Variants in MAFG observed in about 807,000 individuals in gnomAD.
The protein encoded by MAFG is transcription factor MafG.
In MAFG, 3 loss-of-function variants were observed where a neutral mutation model predicts 12.2. The observed-to-expected ratio is 0.25, with a 90% CI of 0.11 to 0.64. The LOEUF (loss-of-function observed/expected upper bound fraction) is 0.64, where lower values mean the gene tolerates loss of function less well. Ranked by LOEUF, MAFG falls within the 30% of genes least tolerant of loss-of-function variation. MAFG has a pLI of 0.85. For synonymous variants in MAFG, 126 were observed against 109.1 expected, an observed-to-expected ratio of 1.15 and a Z score of -0.96; for missense variants, 153 against 235.5, an observed-to-expected ratio of 0.65 and a Z score of 2.29.
At position 81,926,708 on chromosome 17, in the gene MAFG, G is replaced by C. The variant is rs994086391; in HGVS notation, c.-30+820C>G. Among the ~76,000 whole-genome samples, 3 of 152,124 alleles carry C rather than the reference G, an allele frequency of 2.0e-5. No individual in the cohort carries two copies. The highest frequency in any genetic ancestry group is 7.2e-5 in the African/African-American group (3 of 41,424). ...TGCCGGAAAAGAGCCGCCTGGGAAG[G>C]GGTGGACCGCCCGGGGCTTCACCTT... On this transcript the variant is annotated intron_variant, in intron 1 of 2. Coordinates refer to ENST00000357736, the MANE Select transcript of MAFG (RefSeq NM_002359.4). This position sits in a 1 kb window ranked among gnomAD's most constrained non-coding sequence, Gnocchi z 4.6.
chr17:81,919,540 G>A lies in MAFG; in HGVS notation c.*3065C>T. On this transcript the variant is annotated 3_prime_UTR_variant, in exon 3 of 3. Coordinates refer to ENST00000357736, the MANE Select transcript of MAFG (RefSeq NM_002359.4). ...TCCATGTTAGGATAAAAGAGGAGTT[G>A]GGGCAAAGTTAAGGTGGAAGGGAAG... The A allele has an allele frequency of 6.6e-6, 1 of 152,418 alleles. No homozygotes were observed. The allele number at this position is 152,418 out of a possible 1,614,324, so 9.4% of individuals were successfully genotyped here.
intron 1 of MAFG, among the ~76,000 whole-genome samples, chr17:81,923,860 G>A (rs2040919839): frequency 6.6e-6 from 1 of 152,220 alleles, no homozygotes; most frequent in Admixed American, 6.5e-5. Context: ...CCAGAGAGGA[G>A]GCTACAGGGA....
At chr17:81,927,094 C>CA (rs2040947014) in intron 1 of MAFG, among the ~76,000 whole-genome samples, 1 of 151,488 alleles carries the variant, frequency 6.6e-6, no homozygotes, top group Non-Finnish European at 1.5e-5. Context: ...CGGACCCCCG[C>CA]GCCGGGGAGA....
rs965270990 is a variant in MAFG, at chr17:81,919,318, C to T, written c.*3287G>A. On this transcript the variant is annotated 3_prime_UTR_variant, in exon 3 of 3. Coordinates refer to ENST00000357736, the MANE Select transcript of MAFG (RefSeq NM_002359.4). The stretch of plus-strand genomic sequence containing the variant: ...CAGGGACAACATGGGACCTGACCAT[C>T]GTCCCAAAGCAGGCTGCAGCCGCTC... The T allele has an allele frequency of 6.6e-6, 1 of 152,262 alleles. No individual in the cohort carries two copies. Among genetic ancestry groups the T allele is most frequent in the African/African-American group, 2.4e-5 (1 of 41,468 alleles). 9.4% of individuals were successfully genotyped at this position (152,262 alleles called of 1,614,324 possible). A position where few individuals can be genotyped will look rare whatever the true frequency, so the allele number is the denominator to read the frequency against.
rs952132942 is a variant in MAFG, at chr17:81,920,276, C to T, written c.*2329G>A. On this transcript the variant is annotated 3_prime_UTR_variant, in exon 3 of 3. Coordinates refer to ENST00000357736, the MANE Select transcript of MAFG (RefSeq NM_002359.4). ...GGTAGACACAGGACTTGTCTCTGAA[C>T]ACCTCGAGCAAAGAAAAGCTCATTA... 1 of 152,230 alleles carries T rather than the reference C, an allele frequency of 6.6e-6. No individual in the cohort carries two copies. Among genetic ancestry groups the T allele is most frequent in the Admixed American group, 6.5e-5 (1 of 15,288 alleles). 9.4% of individuals were successfully genotyped at this position (152,230 alleles called of 1,614,324 possible).
At chr17:81,930,628 C>T (rs1226446672), upstream of MAFG, 1 of 152,174 alleles carries the variant, frequency 6.6e-6, no homozygotes, top group African/African-American at 2.4e-5. The surrounding 1 kb of genome is among the most constrained non-coding windows in gnomAD (Gnocchi z 4.1). Flanking sequence ...CATACCACTG[C>T]ACTCCAGCCT....
rs1031048666 is a variant in MAFG, at chr17:81,921,752, T to C, written c.*853A>G. The C allele has an allele frequency of 6.6e-6, 1 of 151,980 alleles. No individual in the cohort carries two copies. The highest frequency in any genetic ancestry group is 2.4e-5 in the African/African-American group (1 of 41,356). 9.4% of individuals were successfully genotyped at this position (151,980 alleles called of 1,614,324 possible). A position where few individuals can be genotyped will look rare whatever the true frequency, so the allele number is the denominator to read the frequency against. ...TATACTTTCTTCCCTTTTCCATTCA[T>C]ATGGTCAAATGGTCTTCTTGCTTGT... On this transcript the variant is annotated 3_prime_UTR_variant, in exon 3 of 3. Transcript: ENST00000357736.
In MAFG at chr17:81,923,260, G is replaced by GCA. The variant is rs1290436957; in HGVS notation, c.-29-48_-29-47dup. ...CAGTACCCTGGAGACCACCCTCGCCGCACCCCCCCCCCCCCGCCCCCGGCC... is the reference window on the plus strand; with the variant it reads ...CAGTACCCTGGAGACCACCCTCGCCGCACACCCCCCCCCCCCCGCCCCCGGCC... On this transcript the variant is annotated intron_variant, in intron 1 of 2. Transcript: ENST00000357736. The GCA allele has an allele frequency of 4.4e-4, 191 of 431,520 alleles. 1 individual carries two copies. Among genetic ancestry groups the GCA allele is most frequent in the African/African-American group, 2.4e-3 (42 of 17,354 alleles). 26.7% of individuals were successfully genotyped at this position (431,520 alleles called of 1,614,324 possible). A position where few individuals can be genotyped will look rare whatever the true frequency, so the allele number is the denominator to read the frequency against.
At chr17:81,927,307 G>A (rs865789933) in intron 1 of MAFG, among the ~76,000 whole-genome samples, 1 of 150,868 alleles carries the variant, frequency 6.6e-6, no homozygotes, top group African/African-American at 2.4e-5. Flanking sequence ...TCCAGTACCC[G>A]GGCGCCAGGG....
chr17:81,924,520 T>C lies in MAFG; in HGVS notation c.-29-1306A>G, dbSNP rs1212407244. The C allele has an allele frequency of 1.3e-5, 2 of 152,308 alleles. No individual in the cohort carries two copies. Among genetic ancestry groups the C allele is most frequent in the African/African-American group, 2.4e-5 (1 of 41,424 alleles). 9.4% of individuals were successfully genotyped at this position (152,308 alleles called of 1,614,324 possible). On this transcript the variant is annotated intron_variant, in intron 1 of 2. Coordinates refer to ENST00000357736, the MANE Select transcript of MAFG (RefSeq NM_002359.4). The surrounding 1 kb of genome is among the most constrained non-coding windows in gnomAD (Gnocchi z 4.7). ...TACTCTCATCAGGGGAGCTGAAGTG[T>C]GGCCAGGCGGATGCACACATCCTCA...
Position 81,923,265 on chromosome 17 carries a change from C to T in MAFG, c.-29-51G>A, listed in dbSNP as rs1393206192. 1.1e-4 allele frequency: 98 copies of T among 884,290 alleles called. 1 individual carries two copies. Among genetic ancestry groups the T allele is most frequent in the African/African-American group, 2.1e-4 (8 of 38,078 alleles). The allele number at this position is 884,290 out of a possible 1,614,324, so 54.8% of individuals were successfully genotyped here. A position where few individuals can be genotyped will look rare whatever the true frequency, so the allele number is the denominator to read the frequency against. ...CCCTGGAGACCACCCTCGCCGCACC[C>T]CCCCCCCCCCGCCCCCGGCCCAGTT... On this transcript the variant is annotated intron_variant, in intron 1 of 2. Transcript: ENST00000357736.
At position 81,919,601 on chromosome 17, in the gene MAFG, G is replaced by A. The variant is rs2040867548; in HGVS notation, c.*3004C>T. On this transcript the variant is annotated 3_prime_UTR_variant, in exon 3 of 3. Coordinates refer to ENST00000357736, the MANE Select transcript of MAFG (RefSeq NM_002359.4). The stretch of plus-strand genomic sequence containing the variant: ...TGGTTTACTTGGCGGACAAGTTTGA[G>A]AGACCTGGCCTTGGCCAAAGCCCTC... 2 of 152,300 alleles carry A rather than the reference G, an allele frequency of 1.3e-5. No homozygotes were observed. The allele number at this position is 152,300 out of a possible 1,614,324, so 9.4% of individuals were successfully genotyped here.
intron 1 of MAFG, 69 bp downstream of exon 1, chr17:81,927,459 C>G (rs919979459): frequency 1.4e-5 from 2 of 147,574 alleles, no homozygotes; most frequent in African/African-American, 4.9e-5. Context: ...GCCTGCGCGC[C>G]CCCTCGGCCC....
intron 1 of MAFG, among the ~76,000 whole-genome samples, chr17:81,923,718 C>G (rs1302114966): frequency 6.6e-6 from 1 of 152,102 alleles, no homozygotes; most frequent in African/African-American, 2.4e-5. Flanking sequence ...TGGCCAATAG[C>G]AGGTGAGGGC....
rs2040905491 is a variant in MAFG at position 81,922,827 on chromosome 17, C to T, written c.267G>A (p.Glu89=). The change falls in exon 3 of 3, where the codon GAG becomes GAA. Residue 89 remains glutamate (E), a synonymous_variant. Transcript: ENST00000357736. ...CGTTCTCTGAGGCCAGCTTCTCCAC[C>T]TCCTGCTGCAGCTCCGCCTTCTGCT... The part of the protein sequence containing the change: ...LEKQKAELQQ[E]VEKLASENAS... 5.6e-6 allele frequency: 9 copies of T among 1,609,162 alleles called. No individual in the cohort carries two copies. Among genetic ancestry groups the T allele is most frequent in the Non-Finnish European group, 7.6e-6 (9 of 1,177,976 alleles).
intron 1 of MAFG, among the ~76,000 whole-genome samples, chr17:81,927,263 G>A (rs1318887129): frequency 1.3e-5 from 2 of 151,594 alleles, no homozygotes; most frequent in African/African-American, 4.8e-5. Flanking sequence ...GCACTCGCCC[G>A]GCTCCGCGGG....
At chr17:81,929,940 AG>A (rs1567917440), upstream of MAFG, 704 of 139,788 alleles carry the variant, frequency 5.0e-3, 7 homozygotes, top group African/African-American at 0.02. This position sits in a 1 kb window ranked among gnomAD's most constrained non-coding sequence, Gnocchi z 5.7. Context: ...TGTGGGACTG[AG>A]CCCCGCAGGC....
rs1424220072 is a variant in MAFG, at chr17:81,927,547, G to A, written c.-49C>T. The A allele has an allele frequency of 6.9e-6, 1 of 145,844 alleles. No homozygotes were observed. The highest frequency in any genetic ancestry group is 1.5e-5 in the Non-Finnish European group (1 of 65,486). 9.0% of individuals were successfully genotyped at this position (145,844 alleles called of 1,614,324 possible). A position where few individuals can be genotyped will look rare whatever the true frequency, so the allele number is the denominator to read the frequency against. On this transcript the variant is annotated 5_prime_UTR_variant, in exon 1 of 3. Transcript: ENST00000357736. The stretch of plus-strand genomic sequence containing the variant: ...ACTCACCACACTGCGGGCCCGGCGG[G>A]CCGAGGCCGGGGCGGGGCGGGGCCG...
Position 81,921,235 on chromosome 17 carries a change from G to A in MAFG, c.*1370C>T, listed in dbSNP as rs1252150987. ...ATGTCTCACCTCCTACGGACCAGGAGCTGGTGGTGGGCACAGATTCCTTGA... is the reference window on the plus strand; with the variant it reads ...ATGTCTCACCTCCTACGGACCAGGAACTGGTGGTGGGCACAGATTCCTTGA... On this transcript the variant is annotated 3_prime_UTR_variant, in exon 3 of 3. Transcript: ENST00000357736. 6.6e-6 allele frequency: 1 copy of A among 152,312 alleles called. No individual in the cohort carries two copies. Among genetic ancestry groups the A allele is most frequent in the Admixed American group, 6.5e-5 (1 of 15,290 alleles). The allele number at this position is 152,312 out of a possible 1,614,324, so 9.4% of individuals were successfully genotyped here.
Sources: allele counts gnomAD v4.1 joint callset (sites outside exome capture counted in the v4.1 genomes callset), GRCh38; gene constraint gnomAD v4.1.1; non-coding constraint Gnocchi (gnomAD v3.1); transcripts MANE v1.5; gene names NCBI Gene and HGNC (gene_info 2026-07-23, HGNC 2026-07-21).